TMEM184B: variants seen among roughly 807,000 people sequenced by gnomAD.
TMEM184B encodes transmembrane protein 184B, also known as putative MAPK-activating protein FM08.
TMEM184B carries 17 observed loss-of-function variants against 41.8 expected under a neutral mutation model. That is an observed-to-expected ratio of 0.41 (90% CI 0.28 to 0.61). The LOEUF is 0.61. Ranked by LOEUF, TMEM184B falls within the 20% of genes least tolerant of loss-of-function variation. The pLI, the probability that TMEM184B is intolerant of heterozygous loss-of-function variation, is 0.34. For missense variants in TMEM184B, 393 were observed against 557.8 expected, an observed-to-expected ratio of 0.70 and a Z score of 2.98; for synonymous variants, 240 against 229.5, an observed-to-expected ratio of 1.05 and a Z score of -0.41.
intron 1 of TMEM184B, among the ~76,000 whole-genome samples, chr22:38,261,733 C>A (rs768353051): frequency 2.0e-5 from 3 of 152,176 alleles, no homozygotes; most frequent in Middle Eastern, 3.2e-3. Flanking sequence ...GGGCACTGAG[C>A]GGATAGGTCC....
intron 8 of TMEM184B, chr22:38,223,562 G>C (rs2091328421): frequency 6.6e-6 from 1 of 152,584 alleles, no homozygotes; most frequent in South Asian, 2.1e-4. Context: ...GCTGCAGGCA[G>C]ACATTTCTAC....
At position 38,221,327 on chromosome 22, in the gene TMEM184B, G is replaced by A. The variant is rs2091253093; in HGVS notation, c.*142C>T. ...GGCTGTCCCCCGTTCCTCTGGAAGTGACATGTGAGTGTTTCTGGTCCAATA... is the reference window on the plus strand; with the variant it reads ...GGCTGTCCCCCGTTCCTCTGGAAGTAACATGTGAGTGTTTCTGGTCCAATA... On this transcript the variant is annotated 3_prime_UTR_variant, in exon 9 of 9. Coordinates refer to ENST00000361906, the MANE Select transcript of TMEM184B (RefSeq NM_012264.5). The A allele has an allele frequency of 3.5e-6, 5 of 1,444,258 alleles. No homozygotes were observed. Among genetic ancestry groups the A allele is most frequent in the East Asian group, 2.5e-5 (1 of 40,706 alleles). The allele number at this position is 1,444,258 out of a possible 1,614,324, so 89.5% of individuals were successfully genotyped here.
intron 5 of TMEM184B, among the ~76,000 whole-genome samples, chr22:38,227,358 G>A (rs1388008305): frequency 6.6e-6 from 1 of 152,142 alleles, no homozygotes; most frequent in Non-Finnish European, 1.5e-5. Flanking sequence ...GGGTGGACAG[G>A]TGCAAGGGGC....
At chr22:38,222,505 C>T in intron 8 of TMEM184B, 2 of 792,536 alleles carry the variant, frequency 2.5e-6, no homozygotes, top group Non-Finnish European at 3.1e-6. Context: ...TTGACAGGTG[C>T]TCTGGGCGCT....
chr22:38,219,858 A>G lies in TMEM184B; in HGVS notation c.*1611T>C. On this transcript the variant is annotated 3_prime_UTR_variant, in exon 9 of 9. Transcript: ENST00000361906. ...GGCCCAACTGCTCCGCCCCCCCAAG[A>G]TGGAGGGGGAGAGCTGGCCTCTGGC... 1 of 985,322 alleles carries G rather than the reference A, an allele frequency of 1.0e-6. No individual in the cohort carries two copies. Among genetic ancestry groups the G allele is most frequent in the South Asian group, 4.7e-5 (1 of 21,276 alleles). 61.0% of individuals were successfully genotyped at this position (985,322 alleles called of 1,614,324 possible). A position where few individuals can be genotyped will look rare whatever the true frequency, so the allele number is the denominator to read the frequency against.
At chr22:38,237,571 A>G (rs945964477) in intron 3 of TMEM184B, among the ~76,000 whole-genome samples, 1 of 152,256 alleles carries the variant, frequency 6.6e-6, no homozygotes, top group Non-Finnish European at 1.5e-5. Context: ...TATTTCAGAT[A>G]ACGGGTGGAT....
chr22:38,218,117 A>G (rs894016731), downstream of TMEM184B, among the ~76,000 whole-genome samples: 1 of 152,180 alleles, frequency 6.6e-6, no homozygotes, highest in Non-Finnish European at 1.5e-5. Flanking sequence ...AGTGGAAACT[A>G]TCTTCCCCAT....
Position 38,257,206 on chromosome 22 carries a change from C to T in TMEM184B, c.-58-9187G>A, listed in dbSNP as rs141939436. 1.1e-3 allele frequency among the ~76,000 whole-genome samples: 173 copies of T among 151,846 alleles called. 2 individuals are homozygous for T. In the East Asian group the frequency reaches 0.025, roughly 22 times the overall value. On this transcript the variant is annotated intron_variant, in intron 1 of 8. Transcript: ENST00000361906. Reference sequence around the variant, plus strand: ...TCATAGCTGAACTCCTAAAAAGCTACGTAACAGAATTTTCTAGTCCATTAA... The same window carrying T: ...TCATAGCTGAACTCCTAAAAAGCTATGTAACAGAATTTTCTAGTCCATTAA...
chr22:38,237,072 AG>A (rs2091790907), intron 3 of TMEM184B, among the ~76,000 whole-genome samples: 1 of 152,088 alleles, frequency 6.6e-6, no homozygotes, highest in African/African-American at 2.4e-5. Flanking sequence ...AGGAAGCTGT[AG>A]GCCAAGAGAC....
rs574512569 is a variant in TMEM184B at position 38,264,186 on chromosome 22, G to A, written c.-59+8698C>T. ...CAAATGGAGCTCTGGGTAGGGACAC[G>A]GTGCTGAACCCACACCGGCCCCAAC... On this transcript the variant is annotated intron_variant, in intron 1 of 8. Transcript: ENST00000361906. Among the ~76,000 whole-genome samples the A allele has an allele frequency of 2.0e-4, 31 of 152,266 alleles. 1 individual carries two copies. The South Asian group carries it at 6.0e-3, about 30-fold the overall frequency.
At position 38,221,430 on chromosome 22, in the gene TMEM184B, T is replaced by C; in HGVS notation, c.*39A>G. The C allele has an allele frequency of 6.4e-7, 1 of 1,559,306 alleles. No homozygotes were observed. Among genetic ancestry groups the C allele is most frequent in the South Asian group, 1.2e-5 (1 of 82,590 alleles). ...CTGGAGGTGGGGCACAGCCTGACCG[T>C]GGCTATGGCGCCAGCACTTCCGCCA... On this transcript the variant is annotated 3_prime_UTR_variant, in exon 9 of 9. Coordinates refer to ENST00000361906, the MANE Select transcript of TMEM184B (RefSeq NM_012264.5).
intron 1 of TMEM184B, among the ~76,000 whole-genome samples, chr22:38,266,926 A>G (rs553292969): frequency 6.6e-6 from 1 of 152,214 alleles, no homozygotes; most frequent in Non-Finnish European, 1.5e-5. Context: ...TACTAAAAAT[A>G]CAAAAAATTA....
Position 38,219,848 on chromosome 22 carries a change from C to A in TMEM184B, c.*1621G>T. Reference sequence around the variant, plus strand: ...GGGCAGCTTGGGCCCAACTGCTCCGCCCCCCCAAGATGGAGGGGGAGAGCT... The same window carrying A: ...GGGCAGCTTGGGCCCAACTGCTCCGACCCCCCAAGATGGAGGGGGAGAGCT... On this transcript the variant is annotated 3_prime_UTR_variant, in exon 9 of 9. Coordinates refer to ENST00000361906, the MANE Select transcript of TMEM184B (RefSeq NM_012264.5). 1.0e-6 allele frequency: 1 copy of A among 985,236 alleles called. No homozygotes were observed. 61.0% of individuals were successfully genotyped at this position (985,236 alleles called of 1,614,324 possible).
intron 1 of TMEM184B, among the ~76,000 whole-genome samples, chr22:38,249,196 C>T (rs923400406): frequency 2.6e-5 from 4 of 152,226 alleles, no homozygotes; most frequent in Non-Finnish European, 5.9e-5. Context: ...GTTGCCCAGG[C>T]TAGAGTGCAA....
downstream of TMEM184B, among the ~76,000 whole-genome samples, chr22:38,218,095 T>C (rs1461662289): frequency 6.6e-6 from 1 of 152,206 alleles, no homozygotes; most frequent in East Asian, 1.9e-4. Flanking sequence ...GAGATCTGAT[T>C]TTCTACAGCC....
intron 1 of TMEM184B, among the ~76,000 whole-genome samples, chr22:38,270,808 G>A (rs575083090): frequency 6.6e-6 from 1 of 152,338 alleles, no homozygotes; most frequent in South Asian, 2.1e-4. Flanking sequence ...GAGAGAAAAT[G>A]AGCACAGCAG....
rs769416872 is a variant in TMEM184B at position 38,220,951 on chromosome 22, G to A, written c.*518C>T. On this transcript the variant is annotated 3_prime_UTR_variant, in exon 9 of 9. Coordinates refer to ENST00000361906, the MANE Select transcript of TMEM184B (RefSeq NM_012264.5). Reference sequence around the variant, plus strand: ...GGTCAGGAGGGGAGGACCACAGAGCGCCCACATCCCCACTCCTGCCCGGGG... The same window carrying A: ...GGTCAGGAGGGGAGGACCACAGAGCACCCACATCCCCACTCCTGCCCGGGG... The A allele has an allele frequency of 7.1e-5, 70 of 988,494 alleles. No homozygotes were observed. The Admixed American group carries it at 7.2e-4, about 10-fold the overall frequency. The allele number at this position is 988,494 out of a possible 1,614,324, so 61.2% of individuals were successfully genotyped here. A position where few individuals can be genotyped will look rare whatever the true frequency, so the allele number is the denominator to read the frequency against.
chr22:38,254,197 T>C (rs1330613383), intron 1 of TMEM184B, among the ~76,000 whole-genome samples: 1 of 134,928 alleles, frequency 7.4e-6, no homozygotes, highest in Admixed American at 7.8e-5. Context: ...AGCAAGACTC[T>C]TGTCTCCAAA....
intron 3 of TMEM184B, among the ~76,000 whole-genome samples, chr22:38,234,064 C>T (rs917010366): frequency 4.5e-5 from 5 of 110,680 alleles, no homozygotes; most frequent in African/African-American, 1.1e-4. Context: ...CCACCGCGCC[C>T]GGCCGACGGT....
Sources: allele counts gnomAD v4.1 joint callset (sites outside exome capture counted in the v4.1 genomes callset), GRCh38; gene constraint gnomAD v4.1.1; transcripts MANE v1.5; gene names NCBI Gene and HGNC (gene_info 2026-07-23, HGNC 2026-07-21).